The following CARHSP1 variants were observed in gnomAD, a reference collection of about 807,000 sequenced individuals.
CARHSP1 encodes calcium-regulated heat-stable protein 1.
Under a neutral mutation model 12.5 loss-of-function variants are expected in CARHSP1, and 14 were observed. That is an observed-to-expected ratio of 1.12 (90% CI 0.74 to 1.75). The LOEUF is 1.75. Ranked by LOEUF, CARHSP1 falls within the 40% of genes most tolerant of loss-of-function variation. The pLI is 0.00. For synonymous variants in CARHSP1, 161 were observed against 82.0 expected (o/e 1.96, Z -5.20); for missense variants, 343 against 201.6 (o/e 1.70, Z -4.25).
chr16:8,859,294 G>C lies in CARHSP1; in HGVS notation c.35C>G (p.Pro12Arg). 6.2e-7 allele frequency: 1 copy of C among 1,604,056 alleles called. No individual in the cohort carries two copies. Among genetic ancestry groups the C allele is most frequent in the Non-Finnish European group, 8.5e-7 (1 of 1,177,946 alleles). The change falls in exon 2 of 4, where the codon CCC (proline) becomes CGC (arginine). Residue 12 changes from proline to arginine, a missense_variant. Transcript: ENST00000311052. ...SSEPPPPPQP[P>R]THQASVGLLD... ...CAGCCCGACTGAAGCTTGATGGGTG[G>C]GGGGCTGTGGTGGTGGGGGAGGCTC...
intron 1 of CARHSP1, among the ~76,000 whole-genome samples, chr16:8,860,947 G>T (rs1360339198): frequency 6.6e-6 from 1 of 151,510 alleles, no homozygotes; most frequent in Non-Finnish European, 1.5e-5. Context: ...CTACTCGGGA[G>T]GCCAAAGCTG....
In CARHSP1 at chr16:8,858,485, G is replaced by C; in HGVS notation, c.159-13C>G. Reference sequence around the variant, plus strand: ...AGCCCGCACCGTCCTGACAGAGAGGGGGAAATGTCAGGGGCCCCATCAGCG... The same window carrying C: ...AGCCCGCACCGTCCTGACAGAGAGGCGGAAATGTCAGGGGCCCCATCAGCG... On this transcript the variant is annotated splice_polypyrimidine_tract_variant and intron_variant, in intron 2 of 3. Coordinates refer to ENST00000311052, the MANE Select transcript of CARHSP1 (RefSeq NM_014316.4). The C allele has an allele frequency of 1.9e-6, 3 of 1,612,774 alleles. 1 individual carries two copies. Among genetic ancestry groups the C allele is most frequent in the Non-Finnish European group, 8.5e-7 (1 of 1,179,846 alleles).
chr16:8,856,998 G>A (rs1270302845), intron 3 of CARHSP1, among the ~76,000 whole-genome samples: 1 of 152,142 alleles, frequency 6.6e-6, no homozygotes, highest in Non-Finnish European at 1.5e-5. Context: ...TGGAGCAAAG[G>A]GGCAGGACAG....
Position 8,858,488 on chromosome 16 carries a change from A to G in CARHSP1, c.159-16T>C. 6.2e-7 allele frequency: 1 copy of G among 1,612,330 alleles called. No individual in the cohort carries two copies. Among genetic ancestry groups the G allele is most frequent in the African/African-American group, 1.3e-5 (1 of 74,926 alleles). Reference sequence around the variant, plus strand: ...CCGCACCGTCCTGACAGAGAGGGGGAAATGTCAGGGGCCCCATCAGCGCTC... The same window carrying G: ...CCGCACCGTCCTGACAGAGAGGGGGGAATGTCAGGGGCCCCATCAGCGCTC... On this transcript the variant is annotated splice_polypyrimidine_tract_variant and intron_variant, in intron 2 of 3. Coordinates refer to ENST00000311052, the MANE Select transcript of CARHSP1 (RefSeq NM_014316.4).
intron 1 of CARHSP1, chr16:8,860,548 C>A (rs2061319696): frequency 1.0e-6 from 1 of 984,806 alleles, no homozygotes; most frequent in South Asian, 4.7e-5. Flanking sequence ...TAAGTCCTTT[C>A]CCATCTCTGG....
At position 8,858,451 on chromosome 16, in the gene CARHSP1, G is replaced by A; in HGVS notation, c.180C>T (p.Gly60=). Residue 60 remains glycine, a synonymous_variant, in exon 3 of 4, where the codon GGC becomes GGT. Transcript: ENST00000311052. The part of the protein sequence containing the change: ...TFSATVRASQ[G]PVYKGVCKCF... Reference sequence around the variant, plus strand: ...ATTTGCAGACTCCTTTGTAGACGGGGCCCTGTGAAGCCCGCACCGTCCTGA... The same window carrying A: ...ATTTGCAGACTCCTTTGTAGACGGGACCCTGTGAAGCCCGCACCGTCCTGA... 1 of 1,613,840 alleles carries A rather than the reference G, an allele frequency of 6.2e-7. No homozygotes were observed.
In CARHSP1 at chr16:8,865,141, C is replaced by CAAAA. The variant is rs932958094; in HGVS notation, c.-8+3824_-8+3825insTTTT. 1.9e-4 allele frequency among the ~76,000 whole-genome samples: 29 copies of CAAAA among 152,190 alleles called. 1 individual carries two copies. Among genetic ancestry groups the CAAAA allele is most frequent in the African/African-American group, 7.0e-4 (29 of 41,442 alleles). On this transcript the variant is annotated intron_variant, in intron 1 of 3. Transcript: ENST00000311052. Reference sequence around the variant, plus strand: ...TTTGTTTTTGTGAGACAGAATCTCCCTCTGTTGCCCAGGATGGAGTGCAGT... The same window carrying CAAAA: ...TTTGTTTTTGTGAGACAGAATCTCCCAAAATCTGTTGCCCAGGATGGAGTGCAGT...
intron 1 of CARHSP1, chr16:8,866,414 G>C (rs924717519): frequency 1.0e-6 from 1 of 983,930 alleles, no homozygotes; most frequent in Non-Finnish European, 1.2e-6. Flanking sequence ...GCAGAGTAGC[G>C]AAGTTACCTT....
At chr16:8,864,345 AG>A (rs2061421437) in intron 1 of CARHSP1, among the ~76,000 whole-genome samples, 2 of 152,194 alleles carry the variant, frequency 1.3e-5, no homozygotes, top group Non-Finnish European at 2.9e-5. Context: ...GTGCTGCCAC[AG>A]GGGACCTTGA....
At chr16:8,866,491 G>A (rs932605439) in intron 1 of CARHSP1, 4 of 985,072 alleles carry the variant, frequency 4.1e-6, no homozygotes, top group East Asian at 1.1e-4. Flanking sequence ...AGTCTCCAGC[G>A]CAGCTGAGCC....
intron 1 of CARHSP1, among the ~76,000 whole-genome samples, chr16:8,865,083 A>G (rs2061431993): frequency 6.6e-6 from 1 of 152,224 alleles, no homozygotes; most frequent in Admixed American, 6.5e-5. Context: ...CACTCTAGTA[A>G]GAGGGAGCTC....
In CARHSP1 at chr16:8,855,011, G is replaced by T; in HGVS notation, c.*153C>A. 1.1e-5 allele frequency: 5 copies of T among 462,726 alleles called. No individual in the cohort carries two copies. Among genetic ancestry groups the T allele is most frequent in the Non-Finnish European group, 1.4e-5 (4 of 276,476 alleles). 28.7% of individuals were successfully genotyped at this position (462,726 alleles called of 1,614,324 possible). ...CGGGAACACCCCACACCCCACACCT[G>T]CCCCCCATACCCCTTCCTCCAGGAG... is the stretch of plus-strand genomic sequence containing the variant. On this transcript the variant is annotated 3_prime_UTR_variant, in exon 4 of 4. Coordinates refer to ENST00000311052, the MANE Select transcript of CARHSP1 (RefSeq NM_014316.4).
In CARHSP1 at chr16:8,855,319, C is replaced by A; in HGVS notation, c.289G>T (p.Gly97Trp). 3.1e-6 allele frequency: 5 copies of A among 1,601,386 alleles called. No individual in the cohort carries two copies. Among genetic ancestry groups the A allele is most frequent in the Non-Finnish European group, 4.3e-6 (5 of 1,172,452 alleles). Residue 97 changes from glycine (G) to tryptophan (W), a missense_variant, in exon 4 of 4, where the codon GGG (glycine) becomes TGG (tryptophan). Gly to Trp is a radical substitution (Grantham distance 184). Coordinates refer to ENST00000311052, the MANE Select transcript of CARHSP1 (RefSeq NM_014316.4). ...TCGCCTTCCACTGGGACATACTCCCCTTCCACACTACGGGGGCATAAATAA... is the reference window on the plus strand; with the variant it reads ...TCGCCTTCCACTGGGACATACTCCCATTCCACACTACGGGGGCATAAATAA... Reference protein sequence around the residue: ...DIFLHISDVEGEYVPVEGDEV... With the variant: ...DIFLHISDVEWEYVPVEGDEV...
In CARHSP1 at chr16:8,859,164, G is replaced by T. The variant is rs770563729; in HGVS notation, c.158+7C>A. ...GAGAACGCGTCCCCAGCCTGCTCCA[G>T]ACTCACGCCGAGAAGGTCCTCGTCC... is the stretch of plus-strand genomic sequence containing the variant. On this transcript the variant is annotated splice_region_variant and intron_variant, in intron 2 of 3. Coordinates refer to ENST00000311052, the MANE Select transcript of CARHSP1 (RefSeq NM_014316.4). The T allele has an allele frequency of 5.0e-6, 8 of 1,593,530 alleles. No individual in the cohort carries two copies. The highest frequency in any genetic ancestry group is 1.7e-5 in the Admixed American group (1 of 58,716).
chr16:8,861,819 C>T (rs1430133987), intron 1 of CARHSP1: 10 of 1,197,690 alleles, frequency 8.3e-6, no homozygotes, highest in Non-Finnish European at 1.1e-5. Flanking sequence ...ATGTTCAACG[C>T]CCAGAGTTCC....
chr16:8,866,007 T>G (rs975961597), intron 1 of CARHSP1, among the ~76,000 whole-genome samples: 20 of 152,102 alleles, frequency 1.3e-4, no homozygotes, highest in African/African-American at 4.6e-4. Flanking sequence ...AGGCTGGAGT[T>G]TGGTGGCACA....
Position 8,858,451 on chromosome 16 carries a change from G to T in CARHSP1, c.180C>A (p.Gly60=), listed in dbSNP as rs1173181809. ...TFSATVRASQ[G]PVYKGVCKCF... ...ATTTGCAGACTCCTTTGTAGACGGG[G>T]CCCTGTGAAGCCCGCACCGTCCTGA... The change falls in exon 3 of 4, where the codon GGC becomes GGA. Residue 60 remains glycine, a synonymous_variant. Coordinates refer to ENST00000311052, the MANE Select transcript of CARHSP1 (RefSeq NM_014316.4). 6.2e-7 allele frequency: 1 copy of T among 1,613,840 alleles called. No individual in the cohort carries two copies. Among genetic ancestry groups the T allele is most frequent in the Non-Finnish European group, 8.5e-7 (1 of 1,179,990 alleles).
At chr16:8,864,086 A>C (rs254946) in intron 1 of CARHSP1, among the ~76,000 whole-genome samples, 149,604 of 152,314 alleles carry the variant, frequency 0.98, 73,528 homozygotes, top group Middle Eastern at 1. Context: ...AAATGTCACG[A>C]CCAAGGTGTC....
At chr16:8,857,523 C>G (rs1473166598) in intron 3 of CARHSP1, 1 of 135,304 alleles carries the variant, frequency 7.4e-6, no homozygotes, top group Non-Finnish European at 1.5e-5. Context: ...AAGTCCTGAC[C>G]TCAGGTGATC....
Sources: gnomAD v4.1 joint callset for allele counts (sites outside exome capture counted in the v4.1 genomes callset) on GRCh38, gnomAD v4.1.1 for gene constraint, MANE v1.5 for transcripts, NCBI Gene and HGNC (gene_info 2026-07-23, HGNC 2026-07-21) for gene names.